The following CDH8 variants were observed in gnomAD, a reference collection of about 807,000 sequenced individuals.
The protein encoded by CDH8 is cadherin 8.
A neutral mutation model predicts 68.1 loss-of-function variants in CDH8; 17 were observed. The observed-to-expected ratio is 0.25, with a 90% CI of 0.17 to 0.37. CDH8 has a LOEUF of 0.37. Ranked by LOEUF, CDH8 falls within the 10% of genes least tolerant of loss-of-function variation. CDH8 has a pLI of 1.00. For missense variants in CDH8, 763 were observed against 999.3 expected (o/e 0.76, Z 3.19); for synonymous variants, 372 against 365.1 (o/e 1.02, Z -0.21).
At chr16:61,845,518 A>AAAC (rs1258658451) in intron 4 of CDH8, among the ~76,000 whole-genome samples, 3 of 151,706 alleles carry the variant, frequency 2.0e-5, no homozygotes. Flanking sequence ...AAAAAAAAAA[A>AAAC]AAAACTATCT....
intron 8 of CDH8, among the ~76,000 whole-genome samples, chr16:61,781,456 AC>A (rs1961052850): frequency 6.6e-6 from 1 of 152,052 alleles, no homozygotes; most frequent in African/African-American, 2.4e-5. Flanking sequence ...AAAAACAAAA[AC>A]AAAAAAAACT....
chr16:61,672,436 A>T (rs1057013714), intron 10 of CDH8, among the ~76,000 whole-genome samples: 1 of 152,238 alleles, frequency 6.6e-6, no homozygotes, highest in South Asian at 2.1e-4. Flanking sequence ...AATTTTTCCA[A>T]GGTAATACCA....
chr16:61,772,486 A>G (rs1960801788), intron 8 of CDH8, among the ~76,000 whole-genome samples: 1 of 152,090 alleles, frequency 6.6e-6, no homozygotes, highest in African/African-American at 2.4e-5. Context: ...ACATGCAGTT[A>G]TTGTGAAAAT....
intron 10 of CDH8, among the ~76,000 whole-genome samples, chr16:61,708,650 A>G (rs770444278): frequency 6.6e-6 from 1 of 152,240 alleles, no homozygotes; most frequent in Admixed American, 6.5e-5. Context: ...TAGCTTGCAC[A>G]TCGCCCTTAA....
intron 2 of CDH8, among the ~76,000 whole-genome samples, chr16:61,941,876 C>T (rs1964730370): frequency 6.6e-6 from 1 of 152,196 alleles, no homozygotes; most frequent in East Asian, 1.9e-4. Flanking sequence ...TCAATTTTCT[C>T]TATTTACACA....
At chr16:61,797,470 C>T (rs1961525687) in intron 7 of CDH8, among the ~76,000 whole-genome samples, 3 of 152,136 alleles carry the variant, frequency 2.0e-5, no homozygotes, top group South Asian at 2.1e-4. Context: ...GCAATTTGTG[C>T]GAAACAGCTG....
chr16:61,824,884 C>A, intron 5 of CDH8, 128 bp downstream of exon 5: 1 of 738,164 alleles, frequency 1.4e-6, no homozygotes. Context: ...AAAATCATGC[C>A]ATACCTGGCA....
chr16:61,891,535 A>C (rs2143195489), intron 3 of CDH8, among the ~76,000 whole-genome samples: 1 of 152,288 alleles, frequency 6.6e-6, no homozygotes, highest in Non-Finnish European at 1.5e-5. Flanking sequence ...AAAAATTCAC[A>C]TATTAGAAGC....
chr16:61,781,590 A>C (rs1961057436), intron 8 of CDH8, among the ~76,000 whole-genome samples: 1 of 152,184 alleles, frequency 6.6e-6, no homozygotes. Flanking sequence ...AAAGAGAGAG[A>C]TCTATCTCAA....
At chr16:61,774,188 G>C (rs1052696800) in intron 8 of CDH8, among the ~76,000 whole-genome samples, 3 of 152,034 alleles carry the variant, frequency 2.0e-5, no homozygotes, top group Non-Finnish European at 2.9e-5. Flanking sequence ...GGGTAATGAA[G>C]TGTGGGCTGG....
intron 2 of CDH8, 102 bp from the exon 3 acceptor site, chr16:61,901,575 T>C (rs992104787): frequency 2.7e-6 from 2 of 744,858 alleles, no homozygotes; most frequent in African/African-American, 3.5e-5. Flanking sequence ...TTACATAACA[T>C]CATCAATTTC....
chr16:61,687,009 C>T (rs1964122222), intron 10 of CDH8, among the ~76,000 whole-genome samples: 1 of 151,894 alleles, frequency 6.6e-6, no homozygotes, highest in Admixed American at 6.6e-5. Flanking sequence ...AATTCTTAAT[C>T]ATACAACTGT....
At chr16:61,670,300 T>C (rs760679665) in intron 10 of CDH8, among the ~76,000 whole-genome samples, 4 of 152,018 alleles carry the variant, frequency 2.6e-5, no homozygotes, top group Non-Finnish European at 4.4e-5. Context: ...AGAGATGTAA[T>C]GGAGATTTGA....
At chr16:61,714,675 T>C (rs1218537580) in intron 9 of CDH8, among the ~76,000 whole-genome samples, 5 of 151,606 alleles carry the variant, frequency 3.3e-5, no homozygotes, top group Non-Finnish European at 5.9e-5. Flanking sequence ...ATGCTAAAGT[T>C]GTTTCTTGGG....
chr16:61,713,703 A>G, intron 10 of CDH8, 138 bp downstream of exon 10: 1 of 586,090 alleles, frequency 1.7e-6, no homozygotes. Flanking sequence ...TTACCATGCC[A>G]TTATACTGAT....
chr16:61,880,312 G>A (rs771879445), intron 3 of CDH8, among the ~76,000 whole-genome samples: 5 of 152,216 alleles, frequency 3.3e-5, no homozygotes, highest in African/African-American at 7.2e-5. Flanking sequence ...TCTAGGCAAC[G>A]TCAGTTGCAT....
chr16:61,760,762 T>C (rs1372843943), intron 8 of CDH8, among the ~76,000 whole-genome samples: 1 of 152,190 alleles, frequency 6.6e-6, no homozygotes, highest in Non-Finnish European at 1.5e-5. Context: ...TAAACATAAT[T>C]ACATGAGGCA....
chr16:61,810,011 C>G (rs926536499), intron 7 of CDH8, among the ~76,000 whole-genome samples: 1 of 152,176 alleles, frequency 6.6e-6, no homozygotes, highest in African/African-American at 2.4e-5. Context: ...GGCATAAATG[C>G]ACTTTTATAT....
intron 4 of CDH8, among the ~76,000 whole-genome samples, chr16:61,833,515 C>G (rs547743026): frequency 6.6e-6 from 1 of 151,914 alleles, no homozygotes; most frequent in South Asian, 2.1e-4. Context: ...TTCAGAAAAT[C>G]TACTACAAGA....
Sources: gnomAD v4.1 joint callset for allele counts (sites outside exome capture counted in the v4.1 genomes callset) on GRCh38, gnomAD v4.1.1 for gene constraint, MANE v1.5 for transcripts, NCBI Gene and HGNC (gene_info 2026-07-23, HGNC 2026-07-21) for gene names.